MDGA2: variants seen among roughly 807,000 people sequenced by gnomAD.
MDGA2 encodes MAM domain-containing glycosylphosphatidylinositol anchor protein 2.
A neutral mutation model predicts 117.8 loss-of-function variants in MDGA2; 40 were observed. That is an observed-to-expected ratio of 0.34 (90% CI 0.26 to 0.44). MDGA2 has a LOEUF of 0.44. Among genes scored for constraint, MDGA2 ranks in the 20% least tolerant of loss-of-function variants. MDGA2 has a pLI of 1.00. For synonymous variants in MDGA2, 452 were observed against 439.0 expected (o/e 1.03, Z -0.37); for missense variants, 1,123 against 1,250.6 (o/e 0.90, Z 1.54).
chr14:46,887,210 A>C (rs1291476039), intron 10 of MDGA2, among the ~76,000 whole-genome samples: 1 of 152,032 alleles, frequency 6.6e-6, no homozygotes, highest in African/African-American at 2.4e-5. Context: ...ATGTGCCACT[A>C]TTTTAACTGT....
intron 5 of MDGA2, among the ~76,000 whole-genome samples, chr14:47,127,642 G>A (rs1403902762): frequency 1.3e-5 from 2 of 151,968 alleles, no homozygotes; most frequent in African/African-American, 2.4e-5. Context: ...AATTTATAAA[G>A]GTGAATAATA....
At chr14:47,316,884 G>A (rs180960538) in intron 1 of MDGA2, among the ~76,000 whole-genome samples, 156 of 152,192 alleles carry the variant, frequency 1.0e-3, no homozygotes, top group African/African-American at 3.1e-3. Flanking sequence ...TGCAGATGAA[G>A]CCTCTATTTT....
chr14:47,385,531 T>G (rs1891737209), intron 1 of MDGA2, among the ~76,000 whole-genome samples: 1 of 152,150 alleles, frequency 6.6e-6, no homozygotes, highest in Non-Finnish European at 1.5e-5. Flanking sequence ...AATATTATTA[T>G]TCAAGAGAAG....
chr14:46,907,572 A>T lies in MDGA2; in HGVS notation c.2238+12440T>A, dbSNP rs186682380. On this transcript the variant is annotated intron_variant, in intron 10 of 16. Coordinates refer to ENST00000399232, the MANE Select transcript of MDGA2 (RefSeq NM_001113498.3). Reference sequence around the variant, plus strand: ...TATTATACATATGTATTTGATTTCCATATGTATAATTTGCTTAGGCTTTTA... The same window carrying T: ...TATTATACATATGTATTTGATTTCCTTATGTATAATTTGCTTAGGCTTTTA... Among the ~76,000 whole-genome samples the T allele has an allele frequency of 1.9e-4, 29 of 152,236 alleles. No individual in the cohort carries two copies. In the Middle Eastern group the frequency reaches 0.017, roughly 89 times the overall value.
chr14:47,618,238 T>C (rs947248259), intron 1 of MDGA2, among the ~76,000 whole-genome samples: 2 of 152,238 alleles, frequency 1.3e-5, no homozygotes, highest in Non-Finnish European at 1.5e-5. Flanking sequence ...TTAAATATCA[T>C]TCCGATGCCT....
intron 14 of MDGA2, among the ~76,000 whole-genome samples, chr14:46,870,715 A>C (rs1232139886): frequency 6.6e-6 from 1 of 151,974 alleles, no homozygotes; most frequent in African/African-American, 2.4e-5. Flanking sequence ...TGTCCTCCTA[A>C]TTTTCCCTCA....
At chr14:47,294,103 CTTT>C (rs35698427) in intron 2 of MDGA2, among the ~76,000 whole-genome samples, 9 of 99,140 alleles carry the variant, frequency 9.1e-5, no homozygotes, top group Admixed American at 2.2e-4. Flanking sequence ...ATATGGCAAT[CTTT>C]TTTTTTTTTT....
intron 8 of MDGA2, among the ~76,000 whole-genome samples, chr14:46,957,935 A>G (rs1459837665): frequency 1.3e-5 from 2 of 152,128 alleles, no homozygotes; most frequent in Non-Finnish European, 1.5e-5. Flanking sequence ...AAACTTTCCT[A>G]TTAATTCTAA....
At chr14:47,227,667 A>G (rs1218344121) in intron 2 of MDGA2, among the ~76,000 whole-genome samples, 1 of 151,968 alleles carries the variant, frequency 6.6e-6, no homozygotes, top group African/African-American at 2.4e-5. Context: ...TAAAAAAAAA[A>G]ATCATTGTTG....
At chr14:47,380,474 C>T (rs933860762) in intron 1 of MDGA2, among the ~76,000 whole-genome samples, 2 of 101,202 alleles carry the variant, frequency 2.0e-5, no homozygotes, top group Admixed American at 2.3e-4. Flanking sequence ...AGATCACTAG[C>T]AAAACTAATA....
chr14:47,286,494 G>C (rs934107516), intron 2 of MDGA2, among the ~76,000 whole-genome samples: 1 of 151,836 alleles, frequency 6.6e-6, no homozygotes, highest in African/African-American at 2.4e-5. Context: ...GTCTTTCTGT[G>C]CCTGTTTTAT....
chr14:47,416,903 G>A (rs12897676), intron 1 of MDGA2, among the ~76,000 whole-genome samples: 96,808 of 151,986 alleles, frequency 0.64, 30,956 homozygotes, highest in South Asian at 0.73. Flanking sequence ...GTTTGTAATG[G>A]AAAGGGCATA....
intron 8 of MDGA2, among the ~76,000 whole-genome samples, chr14:46,970,854 ATC>A (rs1886234857): frequency 6.6e-6 from 1 of 152,016 alleles, no homozygotes; most frequent in Non-Finnish European, 1.5e-5. Flanking sequence ...TTTTTTAAAA[ATC>A]TCATTAAAAG....
At chr14:47,121,102 C>T (rs889757299) in intron 5 of MDGA2, among the ~76,000 whole-genome samples, 17 of 152,110 alleles carry the variant, frequency 1.1e-4, no homozygotes, top group Non-Finnish European at 2.9e-5. Flanking sequence ...TCATTTATAA[C>T]TGAGCCAAAG....
chr14:47,423,957 C>T (rs184333773), intron 1 of MDGA2, among the ~76,000 whole-genome samples: 82 of 152,104 alleles, frequency 5.4e-4, no homozygotes, highest in Non-Finnish European at 9.6e-4. Flanking sequence ...GAATTACAGG[C>T]GTGAGCCACC....
intron 6 of MDGA2, among the ~76,000 whole-genome samples, chr14:47,088,403 A>G (rs1890988077): frequency 6.6e-6 from 1 of 152,206 alleles, no homozygotes; most frequent in Non-Finnish European, 1.5e-5. Context: ...CACACAGCAG[A>G]CAGTTCTGCT....
chr14:47,191,110 AT>A (rs1003251990), intron 3 of MDGA2, among the ~76,000 whole-genome samples: 5 of 152,020 alleles, frequency 3.3e-5, no homozygotes, highest in African/African-American at 1.2e-4. Context: ...TAGCATCTGA[AT>A]TTAGCCACTC....
At chr14:47,029,248 A>G (rs569926080) in intron 8 of MDGA2, among the ~76,000 whole-genome samples, 2 of 152,270 alleles carry the variant, frequency 1.3e-5, no homozygotes, top group South Asian at 2.1e-4. Context: ...AAAAGCCTCA[A>G]AAATAAAACC....
intron 1 of MDGA2, among the ~76,000 whole-genome samples, chr14:47,649,607 C>G (rs946702673): frequency 6.6e-6 from 1 of 152,038 alleles, no homozygotes; most frequent in Non-Finnish European, 1.5e-5. Context: ...ATCGCTTGAA[C>G]CTGGGAGGCA....
Sources: gnomAD v4.1 joint callset for allele counts (sites outside exome capture counted in the v4.1 genomes callset) on GRCh38, gnomAD v4.1.1 for gene constraint, MANE v1.5 for transcripts, NCBI Gene and HGNC (gene_info 2026-07-23, HGNC 2026-07-21) for gene names.